SP140: variants seen among roughly 807,000 people sequenced by gnomAD.
SP140 encodes the protein nuclear body protein SP140.
Under a neutral mutation model 125.0 loss-of-function variants are expected in SP140, and 81 were observed. That is an observed-to-expected ratio of 0.65 (90% CI 0.54 to 0.78). The LOEUF is 0.78. Among genes scored for constraint, SP140 ranks in the 30% least tolerant of loss-of-function variants. SP140 has a pLI of 0.00. For synonymous variants in SP140, 312 were observed against 354.0 expected (o/e 0.88, Z 1.33); for missense variants, 858 against 1,037.0 (o/e 0.83, Z 2.37).
chr2:230,228,612 A>G (rs1050633814), intron 1 of SP140, among the ~76,000 whole-genome samples: 8 of 152,136 alleles, frequency 5.3e-5, no homozygotes, highest in African/African-American at 1.9e-4. Context: ...ACCTTCTTGG[A>G]GAATTGACCC....
At chr2:230,186,439 A>G in the SP140 span, among the ~76,000 whole-genome samples, 4 of 152,002 alleles carry the variant, frequency 2.6e-5, no homozygotes, top group African/African-American at 4.8e-5. Flanking sequence ...CACACCTTAC[A>G]CTCCACTGCT....
At chr2:230,270,863 A>T (rs776893892) in intron 15 of SP140, 1 of 583,972 alleles carries the variant, frequency 1.7e-6, no homozygotes, top group South Asian at 1.5e-5. Flanking sequence ...GAGACCTTGA[A>T]ATGGGGAGAT....
intron 1 of SP140, chr2:230,208,002 C>G: frequency 6.4e-7 from 1 of 1,551,030 alleles, no homozygotes; most frequent in Non-Finnish European, 8.9e-7. Flanking sequence ...TCCTGGGAGG[C>G]TTTTTTTCTT....
intron 4 of SP140, among the ~76,000 whole-genome samples, chr2:230,243,106 T>G (rs1209639051): frequency 6.6e-6 from 1 of 152,202 alleles, no homozygotes; most frequent in Non-Finnish European, 1.5e-5. Flanking sequence ...GAAATATTAC[T>G]TCAAGGTGGA....
chr2:230,289,797 A>G (rs1369330358), intron 18 of SP140, among the ~76,000 whole-genome samples: 1 of 152,112 alleles, frequency 6.6e-6, no homozygotes, highest in Non-Finnish European at 1.5e-5. Context: ...TTGGAAGGGA[A>G]GGATTCACTG....
At chr2:230,232,803 T>G (rs1317167303) in intron 1 of SP140, among the ~76,000 whole-genome samples, 1 of 152,222 alleles carries the variant, frequency 6.6e-6, no homozygotes, top group Non-Finnish European at 1.5e-5. Context: ...TATTTTTATC[T>G]ACTTGAGAAG....
chr2:230,227,326 C>T (rs942679355), intron 1 of SP140, among the ~76,000 whole-genome samples: 1 of 152,212 alleles, frequency 6.6e-6, no homozygotes, highest in Non-Finnish European at 1.5e-5. Flanking sequence ...ATCTCTCTTT[C>T]ACTTGCTCTC....
At chr2:230,303,534 A>G (rs59491929) in intron 22 of SP140, among the ~76,000 whole-genome samples, 1,782 of 152,322 alleles carry the variant, frequency 0.012, 47 homozygotes, top group African/African-American at 0.041. Context: ...AACATAGAGA[A>G]AGAGGGCATC....
rs989151312 is a variant in SP140, at chr2:230,217,065, G to C, written c.-91+2991G>C. 3 of 652,120 alleles carry C rather than the reference G, an allele frequency of 4.6e-6. No homozygotes were observed. The African/African-American group carries it at 5.5e-5, about 12-fold the overall frequency. 40.4% of individuals were successfully genotyped at this position (652,120 alleles called of 1,614,324 possible). ...GATTGAGACCATCCTGGCCAACATG[G>C]TGAAACTCTGTCTCTACTAAAAATA... On this transcript the variant is annotated intron_variant, in intron 3 of 4. Transcript: ENST00000456542.
At chr2:230,264,104 C>T (rs1275301460) in intron 12 of SP140, among the ~76,000 whole-genome samples, 3 of 151,974 alleles carry the variant, frequency 2.0e-5, no homozygotes, top group South Asian at 2.1e-4. Flanking sequence ...TCAGGAACAC[C>T]GATTATTCTT....
chr2:230,297,725 C>T (rs1310328122), intron 22 of SP140, among the ~76,000 whole-genome samples: 2 of 152,198 alleles, frequency 1.3e-5, no homozygotes, highest in East Asian at 3.8e-4. Context: ...GGAGGCTGAG[C>T]TCCAGACCAC....
At chr2:230,238,135 A>T (rs2048239479) in intron 2 of SP140, 78 bp from the exon 3 acceptor site, 1 of 963,770 alleles carries the variant, frequency 1.0e-6, no homozygotes, top group Non-Finnish European at 1.6e-6. Context: ...AAGAGAACAG[A>T]TGTTCTATCT....
chr2:230,288,107 T>C (rs2056626093), intron 18 of SP140, 141 bp downstream of exon 18: 2 of 705,458 alleles, frequency 2.8e-6, no homozygotes, highest in Admixed American at 7.3e-5. Context: ...TCCTATTTAG[T>C]CATTTTCCAA....
At chr2:230,253,537 A>G in intron 11 of SP140, 120 bp downstream of exon 11, 1 of 721,068 alleles carries the variant, frequency 1.4e-6, no homozygotes, top group Admixed American at 2.5e-5. Flanking sequence ...ATACATACAG[A>G]TGGAATTATG....
chr2:230,238,875 A>G, intron 3 of SP140: 1 of 1,552,048 alleles, frequency 6.4e-7, no homozygotes, highest in Non-Finnish European at 8.7e-7. Flanking sequence ...TGCATGTGAA[A>G]GCTATGAAGA....
intron 15 of SP140, among the ~76,000 whole-genome samples, chr2:230,282,009 A>G (rs989595331): frequency 1.3e-5 from 2 of 152,122 alleles, no homozygotes; most frequent in African/African-American, 4.8e-5. Context: ...TGGATGCTGC[A>G]CTCATAGGTG....
At chr2:230,207,933 T>C in intron 1 of SP140, 1 of 840,366 alleles carries the variant, frequency 1.2e-6, no homozygotes, top group Non-Finnish European at 2.0e-6. Flanking sequence ...CAGCTTGACC[T>C]ACAAGCCCTG....
At chr2:230,198,262 T>C (rs2042970773), upstream of SP140, among the ~76,000 whole-genome samples, 1 of 152,118 alleles carries the variant, frequency 6.6e-6, no homozygotes, top group African/African-American at 2.4e-5. Flanking sequence ...GGCTCTTACA[T>C]GCTGTGACCC....
At chr2:230,290,377 G>T (rs188524063) in intron 18 of SP140, 83 bp from the exon 19 acceptor site, 2 of 1,234,502 alleles carry the variant, frequency 1.6e-6, no homozygotes, top group Non-Finnish European at 1.2e-6. Context: ...AGTATCCCTC[G>T]TGTCTTTATA....
Sources: allele counts gnomAD v4.1 joint callset (sites outside exome capture counted in the v4.1 genomes callset), GRCh38; gene constraint gnomAD v4.1.1; transcripts MANE v1.5; gene names NCBI Gene and HGNC (gene_info 2026-07-23, HGNC 2026-07-21).